The following LYZL4 variants were observed in gnomAD, a reference collection of about 807,000 sequenced individuals.
LYZL4 encodes lysozyme like 4.
A neutral mutation model predicts 17.6 loss-of-function variants in LYZL4; 13 were observed. The ratio of observed to expected loss-of-function variants is 0.74; its 90% confidence interval spans 0.48 to 1.18. LYZL4 has a LOEUF of 1.18. Among genes scored for constraint, LYZL4 ranks in the 50% most tolerant of loss-of-function variants. LYZL4 has a pLI of 0.00. For missense variants in LYZL4, 174 were observed against 188.2 expected (o/e 0.92, Z 0.44); for synonymous variants, 64 against 67.7 (o/e 0.95, Z 0.27).
chr3:42,379,513 AACT>A, the LYZL4 span, among the ~76,000 whole-genome samples: 36 of 152,304 alleles, frequency 2.4e-4, no homozygotes, highest in Admixed American at 8.5e-4. Context: ...CATATTCTCA[AACT>A]ACTACATTAG....
intron 4 of LYZL4, among the ~76,000 whole-genome samples, chr3:42,401,025 G>C (rs946964530): frequency 6.6e-6 from 1 of 152,104 alleles, no homozygotes; most frequent in Non-Finnish European, 1.5e-5. Flanking sequence ...TCAGAGAAAA[G>C]GGTCTGGCCA....
chr3:42,361,877 G>A, the LYZL4 span, among the ~76,000 whole-genome samples: 2 of 152,136 alleles, frequency 1.3e-5, no homozygotes, highest in African/African-American at 4.8e-5. Flanking sequence ...CACCAGAGTG[G>A]TGCAGTTATT....
At chr3:42,375,473 C>A in the LYZL4 span, among the ~76,000 whole-genome samples, 2 of 152,324 alleles carry the variant, frequency 1.3e-5, no homozygotes, top group African/African-American at 4.8e-5. Flanking sequence ...TTATCTGATT[C>A]TTTTAAGTAT....
chr3:42,379,965 G>A, the LYZL4 span, among the ~76,000 whole-genome samples: 60 of 152,182 alleles, frequency 3.9e-4, no homozygotes, highest in African/African-American at 1.7e-4. Flanking sequence ...AGCAGTGACC[G>A]AAAATTGTAA....
the LYZL4 span, among the ~76,000 whole-genome samples, chr3:42,380,271 C>T: frequency 6.6e-6 from 1 of 152,194 alleles, no homozygotes; most frequent in Non-Finnish European, 1.5e-5. Context: ...GTTTACTGCC[C>T]TGTTTTATAG....
chr3:42,406,709 G>T (rs148550512), intron 3 of LYZL4, 137 bp downstream of exon 3: 4 of 1,074,326 alleles, frequency 3.7e-6, no homozygotes, highest in Non-Finnish European at 4.0e-6. Flanking sequence ...AGCCTCCCAG[G>T]GACCCACCCT....
intron 3 of LYZL4, 29 bp downstream of exon 3, chr3:42,406,817 C>T: frequency 2.5e-6 from 4 of 1,612,038 alleles, no homozygotes; most frequent in Non-Finnish European, 3.4e-6. Context: ...CCTCCAGTGC[C>T]CCCGCACGGA....
chr3:42,400,792 G>A (rs1365929966), intron 4 of LYZL4, among the ~76,000 whole-genome samples: 1 of 152,154 alleles, frequency 6.6e-6, no homozygotes, highest in Non-Finnish European at 1.5e-5. Flanking sequence ...GGGGAGAAAA[G>A]GTAGGGGAAG....
intron 1 of LYZL4, among the ~76,000 whole-genome samples, chr3:42,409,544 C>T (rs990984245): frequency 6.6e-6 from 1 of 152,216 alleles, no homozygotes; most frequent in Non-Finnish European, 1.5e-5. Context: ...CCCTCTCCCC[C>T]AGAAGCCAGT....
chr3:42,395,995 G>T (rs1698545303), downstream of LYZL4, among the ~76,000 whole-genome samples: 1 of 152,108 alleles, frequency 6.6e-6, no homozygotes, highest in African/African-American at 2.4e-5. Context: ...CTGCGGGGTG[G>T]AGGCTGCAGT....
At chr3:42,404,001 G>A in intron 4 of LYZL4, 45 bp downstream of exon 4, 2 of 1,326,782 alleles carry the variant, frequency 1.5e-6, no homozygotes, top group South Asian at 1.2e-5. Flanking sequence ...TAGAGATCAT[G>A]AGTGAAAGTC....
the LYZL4 span, among the ~76,000 whole-genome samples, chr3:42,383,811 G>A: frequency 6.6e-6 from 1 of 152,028 alleles, no homozygotes; most frequent in East Asian, 1.9e-4. Context: ...AGAAAATTGA[G>A]AAAAGTTCCC....
downstream of LYZL4, among the ~76,000 whole-genome samples, chr3:42,394,923 G>A (rs33514): frequency 0.64 from 96,635 of 152,090 alleles, 31,951 homozygotes; most frequent in African/African-American, 0.83. Flanking sequence ...GATTGAGGTC[G>A]TGTGCATTAT....
the LYZL4 span, among the ~76,000 whole-genome samples, chr3:42,369,363 A>G: frequency 2.0e-5 from 3 of 152,162 alleles, no homozygotes; most frequent in African/African-American, 7.2e-5. Context: ...TTTTGGTTTC[A>G]TATTTTGTCT....
the LYZL4 span, among the ~76,000 whole-genome samples, chr3:42,381,281 C>T: frequency 2.7e-5 from 4 of 149,754 alleles, no homozygotes. Context: ...TTCATAAATG[C>T]CTATACCAAG....
chr3:42,377,895 G>A, the LYZL4 span, among the ~76,000 whole-genome samples: 2 of 152,172 alleles, frequency 1.3e-5, no homozygotes, highest in Admixed American at 6.5e-5. Flanking sequence ...CAGTGGGTTT[G>A]CTGACTGCCT....
At chr3:42,387,261 C>G in the LYZL4 span, among the ~76,000 whole-genome samples, 1 of 152,170 alleles carries the variant, frequency 6.6e-6, no homozygotes, top group South Asian at 2.1e-4. Context: ...TGCCCGAGGT[C>G]AGGAAGTCAT....
chr3:42,386,822 G>A, the LYZL4 span, among the ~76,000 whole-genome samples: 3 of 152,162 alleles, frequency 2.0e-5, no homozygotes, highest in Admixed American at 6.5e-5. Flanking sequence ...ATGCTATGAT[G>A]TCTTGGATTT....
chr3:42,407,478 C>T (rs1698780177), intron 1 of LYZL4, 135 bp from the exon 2 acceptor site: 2 of 580,646 alleles, frequency 3.4e-6, no homozygotes, highest in East Asian at 6.0e-5. Flanking sequence ...GAAACTCTGC[C>T]CCTTCTCCTC....
Sources: allele counts gnomAD v4.1 joint callset (sites outside exome capture counted in the v4.1 genomes callset), GRCh38; gene constraint gnomAD v4.1.1; transcripts MANE v1.5; gene names NCBI Gene and HGNC (gene_info 2026-07-23, HGNC 2026-07-21).